CRIP2: variants seen among roughly 807,000 people sequenced by gnomAD.
CRIP2 encodes the protein cysteine rich protein 2, also known as cysteine-rich protein 2.
A neutral mutation model predicts 31.3 loss-of-function variants in CRIP2; 31 were observed. The ratio of observed to expected loss-of-function variants is 0.99; its 90% CI spans 0.74 to 1.34. The LOEUF (loss-of-function observed/expected upper bound fraction) is 1.34, where lower values mean the gene tolerates loss of function less well. Ranked by LOEUF, CRIP2 falls within the 40% of genes most tolerant of loss-of-function variation. The pLI, the probability that CRIP2 is intolerant of heterozygous loss-of-function variation, is 0.00. For missense variants in CRIP2, 389 were observed against 301.6 expected, an observed-to-expected ratio of 1.29 and a Z score of -2.15; for synonymous variants, 177 against 127.2, an observed-to-expected ratio of 1.39 and a Z score of -2.63.
intron 1 of CRIP2, among the ~76,000 whole-genome samples, chr14:105,475,680 G>A (rs1444531813): frequency 6.6e-6 from 1 of 152,186 alleles, no homozygotes; most frequent in African/African-American, 2.4e-5. Flanking sequence ...TCGCAAGGCG[G>A]CCCTCGGTCT....
chr14:105,479,057 C>G lies in CRIP2; in HGVS notation c.406+10C>G, dbSNP rs1186696198. On this transcript the variant is annotated intron_variant, in intron 5 of 7. Transcript: ENST00000329146. Reference sequence around the variant, plus strand: ...AAGAAGGTGTACTTCGGTGAGTGCGCGCCCGGGCCCCGGACCCCCGCCCCC... The same window carrying G: ...AAGAAGGTGTACTTCGGTGAGTGCGGGCCCGGGCCCCGGACCCCCGCCCCC... 1 of 1,567,182 alleles carries G rather than the reference C, an allele frequency of 6.4e-7. No homozygotes were observed. The highest frequency in any genetic ancestry group is 8.6e-7 in the Non-Finnish European group (1 of 1,157,462).
intron 1 of CRIP2, chr14:105,475,874 A>G: frequency 2.0e-6 from 2 of 985,472 alleles, no homozygotes; most frequent in Non-Finnish European, 1.2e-6. Context: ...AGCAGAGAGG[A>G]GGGCCGGGAC....
chr14:105,479,648 C>T lies in CRIP2; in HGVS notation c.622C>T (p.Pro208Ser), dbSNP rs1220313352. The T allele has an allele frequency of 3.1e-6, 5 of 1,611,920 alleles. No homozygotes were observed. The African/African-American group carries it at 4.0e-5, about 13-fold the overall frequency. The change falls in exon 8 of 8, where the codon CCC becomes TCC. Residue 208 changes from proline to serine, a missense_variant. Physicochemically the swap from Pro to Ser is moderately conservative, Grantham distance 74. Coordinates refer to ENST00000329146, the MANE Select transcript of CRIP2 (RefSeq NM_001312.4). ...CCGGGACCCCGAAGGCAAGGTCCAG[C>T]CCTAGGCTACAGCGGCTCTCATGAT... ...YDRDPEGKVQ[P>S]
intron 1 of CRIP2, chr14:105,477,225 T>C (rs2083950922): frequency 2.1e-6 from 2 of 974,780 alleles, no homozygotes; most frequent in Non-Finnish European, 2.4e-6. Flanking sequence ...GGGAGGCCCC[T>C]GCTTCCATCC....
chr14:105,479,779 A>G lies in CRIP2; in HGVS notation c.*126A>G. Reference sequence around the variant, plus strand: ...CCTGCAAGCCCAGGGCGAGTATTGGAGGAGGGGCAGCCACGGGCAGAGCAC... The same window carrying G: ...CCTGCAAGCCCAGGGCGAGTATTGGGGGAGGGGCAGCCACGGGCAGAGCAC... On this transcript the variant is annotated 3_prime_UTR_variant, in exon 8 of 8. Transcript: ENST00000329146. 1 of 1,050,848 alleles carries G rather than the reference A, an allele frequency of 9.5e-7. No homozygotes were observed. The allele number at this position is 1,050,848 out of a possible 1,614,324, so 65.1% of individuals were successfully genotyped here.
At chr14:105,473,371 A>G (rs887230969), upstream of CRIP2, 1 of 1,535,524 alleles carries the variant, frequency 6.5e-7, no homozygotes, top group Non-Finnish European at 8.7e-7. Context: ...CACCATGGAA[A>G]TGGCAGTGGC....
Position 105,479,015 on chromosome 14 carries a change from C to G in CRIP2, c.374C>G (p.Thr125Arg). The change falls in exon 5 of 8, where the codon ACG becomes AGG. Residue 125 changes from threonine (T) to arginine (R), a missense_variant. Coordinates refer to ENST00000329146, the MANE Select transcript of CRIP2 (RefSeq NM_001312.4). Reference protein sequence around the residue: ...SVTTFTGEPNTCPRCSKKVYF... With the variant: ...SVTTFTGEPNRCPRCSKKVYF... ...ACCACTTTCACCGGGGAGCCCAACA[C>G]GTGCCCGCGCTGCAGCAAGAAGGTG... 1 of 1,584,076 alleles carries G rather than the reference C, an allele frequency of 6.3e-7. No individual in the cohort carries two copies. The highest frequency in any genetic ancestry group is 8.6e-7 in the Non-Finnish European group (1 of 1,168,116).
Position 105,478,643 on chromosome 14 carries a change from C to T in CRIP2, c.197-88C>T. 1 of 1,472,496 alleles carries T rather than the reference C, an allele frequency of 6.8e-7. No individual in the cohort carries two copies. The highest frequency in any genetic ancestry group is 9.0e-7 in the Non-Finnish European group (1 of 1,107,312). The allele number at this position is 1,472,496 out of a possible 1,614,324, so 91.2% of individuals were successfully genotyped here. On this transcript the variant is annotated intron_variant, in intron 3 of 7. Transcript: ENST00000329146. The surrounding 1 kb of genome is among the most constrained non-coding windows in gnomAD (Gnocchi z 4.9). ...TGCCACCCTGGAAAGCCTAGTGCCCCCCAGTCCCCAGCGGGCCGTTTTCTG... is the reference window on the plus strand; with the variant it reads ...TGCCACCCTGGAAAGCCTAGTGCCCTCCAGTCCCCAGCGGGCCGTTTTCTG...
chr14:105,477,259 C>T (rs1444686134), intron 1 of CRIP2: 1 of 985,364 alleles, frequency 1.0e-6, no homozygotes, highest in Non-Finnish European at 1.2e-6. Context: ...CCAGTAGCCC[C>T]AGTGTGGGGG....
intron 1 of CRIP2, chr14:105,477,641 TGGG>T (rs1329156612): frequency 6.4e-5 from 50 of 782,786 alleles, no homozygotes; most frequent in African/African-American, 7.6e-5. Flanking sequence ...GAATGACAGG[TGGG>T]GGAGATGCAT....
chr14:105,474,724 G>C (rs1240113936), upstream of CRIP2: 1 of 1,007,732 alleles, frequency 9.9e-7, no homozygotes, highest in Non-Finnish European at 1.2e-6. This position sits in a 1 kb window ranked among gnomAD's most constrained non-coding sequence, Gnocchi z 5.1. Context: ...CCCCCAGCCC[G>C]GGGGACGGGT....
chr14:105,473,738 A>C (rs2083879737), upstream of CRIP2, among the ~76,000 whole-genome samples: 1 of 152,118 alleles, frequency 6.6e-6, no homozygotes, highest in African/African-American at 2.4e-5. Context: ...ACGGGGCTCT[A>C]GGGCGGAGGC....
At chr14:105,476,392 C>G in intron 1 of CRIP2, 1 of 985,526 alleles carries the variant, frequency 1.0e-6, no homozygotes, top group Non-Finnish European at 1.2e-6. Context: ...ACCCTCACAC[C>G]AGGCTGCCCC....
chr14:105,473,151 C>T (rs2083870565), upstream of CRIP2: 1 of 1,418,816 alleles, frequency 7.0e-7, no homozygotes, highest in Non-Finnish European at 9.5e-7. Flanking sequence ...GGCAGTGGGC[C>T]CATGAATCCA....
upstream of CRIP2, chr14:105,473,407 G>T: frequency 6.5e-7 from 1 of 1,535,718 alleles, no homozygotes; most frequent in Non-Finnish European, 8.7e-7. Context: ...CAAGGGAGGA[G>T]GGTGCTGCCA....
intron 1 of CRIP2, chr14:105,477,099 G>A: frequency 4.1e-6 from 1 of 241,064 alleles, no homozygotes; most frequent in Non-Finnish European, 6.7e-6. Context: ...GGGCAGGGTG[G>A]GCCCAGCCTG....
chr14:105,479,165 C>T lies in CRIP2; in HGVS notation c.447C>T (p.Pro149=), dbSNP rs375650584. ...VTSLGKDWHR[P]CLRCERCGKT... is the part of the protein sequence containing the mutation. The stretch of plus-strand genomic sequence containing the variant: ...CTCTGGGCAAGGATTGGCACCGGCC[C>T]TGCCTGCGCTGCGAGCGCTGCGGGA... Residue 149 remains proline, a synonymous_variant, in exon 6 of 8, where the codon CCC becomes CCT. Coordinates refer to ENST00000329146, the MANE Select transcript of CRIP2 (RefSeq NM_001312.4). 3.1e-6 allele frequency: 5 copies of T among 1,611,794 alleles called. No homozygotes were observed. Among genetic ancestry groups the T allele is most frequent in the East Asian group, 2.2e-5 (1 of 44,850 alleles).
upstream of CRIP2, chr14:105,473,645 C>T (rs2141741787): frequency 8.3e-7 from 1 of 1,199,110 alleles, no homozygotes; most frequent in Non-Finnish European, 1.1e-6. Context: ...CAGCTGGGGC[C>T]AGAAGGCTCA....
At position 105,479,147 on chromosome 14, in the gene CRIP2, C is replaced by T. The variant is rs782706168; in HGVS notation, c.429C>T (p.Gly143=). 6.8e-6 allele frequency: 11 copies of T among 1,611,740 alleles called. No homozygotes were observed. Among genetic ancestry groups the T allele is most frequent in the East Asian group, 6.7e-5 (3 of 44,832 alleles). ...CAGCTGAGAAGGTGACGTCTCTGGG[C>T]AAGGATTGGCACCGGCCCTGCCTGC... The part of the protein sequence containing the change: ...VYFAEKVTSL[G]KDWHRPCLRC... Residue 143 remains glycine (G), a synonymous_variant, in exon 6 of 8, where the codon GGC becomes GGT. Transcript: ENST00000329146.
Sources: allele counts gnomAD v4.1 joint callset (sites outside exome capture counted in the v4.1 genomes callset), GRCh38; gene constraint gnomAD v4.1.1; non-coding constraint Gnocchi (gnomAD v3.1); transcripts MANE v1.5; gene names NCBI Gene and HGNC (gene_info 2026-07-23, HGNC 2026-07-21).